Variants in AK8 observed in about 807,000 individuals in gnomAD.
The protein encoded by AK8 is adenylate kinase 8, also known as ATP-AMP transphosphorylase 8.
In AK8, 44 loss-of-function variants were observed where a neutral mutation model predicts 54.6. The observed-to-expected ratio is 0.81, with a 90% CI of 0.63 to 1.04. The LOEUF (loss-of-function observed/expected upper bound fraction) is 1.04, where lower values mean the gene tolerates loss of function less well. AK8 is among the 50% of genes least tolerant of loss of function. The probability of loss-of-function intolerance (pLI) is 0.00; values close to 1 mark genes in which losing one functional copy is unlikely to be tolerated. For synonymous variants in AK8, 239 were observed against 245.6 expected, an observed-to-expected ratio of 0.97 and a Z score of 0.25; for missense variants, 555 against 613.6, an observed-to-expected ratio of 0.90 and a Z score of 1.01.
intron 10 of AK8, among the ~76,000 whole-genome samples, chr9:132,809,186 A>G (rs2131233765): frequency 6.6e-6 from 1 of 152,230 alleles, no homozygotes; most frequent in East Asian, 1.9e-4. Flanking sequence ...TCTGAAACAG[A>G]CCTAGGATTG....
chr9:132,839,047 G>A (rs531755260), intron 5 of AK8, among the ~76,000 whole-genome samples: 2 of 151,966 alleles, frequency 1.3e-5, no homozygotes, highest in East Asian at 1.9e-4. Context: ...GGGTTCAAGC[G>A]ATTCTCCTGC....
chr9:132,748,137 A>G (rs1837742280), intron 11 of AK8, among the ~76,000 whole-genome samples: 1 of 151,838 alleles, frequency 6.6e-6, no homozygotes, highest in Non-Finnish European at 1.5e-5. Context: ...AAATCACAAG[A>G]ACAGGTTTAT....
chr9:132,816,576 G>A (rs183023781), intron 9 of AK8, among the ~76,000 whole-genome samples: 13 of 152,248 alleles, frequency 8.5e-5, no homozygotes, highest in East Asian at 5.8e-4. Flanking sequence ...CCAGGTCTGC[G>A]TGACATCAAA....
At chr9:132,812,326 G>C (rs938834162) in intron 10 of AK8, among the ~76,000 whole-genome samples, 2 of 148,768 alleles carry the variant, frequency 1.3e-5, no homozygotes, top group Admixed American at 6.8e-5. Context: ...TGCCTCCCCG[G>C]TTCAAGCGAT....
intron 5 of AK8, among the ~76,000 whole-genome samples, chr9:132,836,018 G>A (rs191197998): frequency 0.011 from 1,703 of 152,300 alleles, 17 homozygotes; most frequent in Non-Finnish European, 0.019. Flanking sequence ...AGCTACTCAG[G>A]AGGCTGAGGC....
intron 11 of AK8, among the ~76,000 whole-genome samples, chr9:132,746,622 TC>T (rs1449192378): frequency 6.6e-6 from 1 of 152,218 alleles, no homozygotes; most frequent in South Asian, 2.1e-4. Context: ...ACTTTCCTCT[TC>T]CACAAACGCA....
At chr9:132,873,138 G>C (rs1027816984) in intron 2 of AK8, among the ~76,000 whole-genome samples, 13 of 152,190 alleles carry the variant, frequency 8.5e-5, no homozygotes, top group Admixed American at 3.3e-4. Context: ...AGTAGAGATG[G>C]GGTTTTGCCA....
In AK8 at chr9:132,828,601, G is replaced by A. The variant is rs781696225; in HGVS notation, c.484+44C>T. On this transcript the variant is annotated intron_variant, in intron 6 of 12. Coordinates refer to ENST00000298545, the MANE Select transcript of AK8 (RefSeq NM_152572.3). Reference sequence around the variant, plus strand: ...CGGGGCGCTCACTGGCCACCCCTTGGGGCTGCAGCTCTGGCAGGTGGGGGA... The same window carrying A: ...CGGGGCGCTCACTGGCCACCCCTTGAGGCTGCAGCTCTGGCAGGTGGGGGA... The A allele has an allele frequency of 1.3e-5, 21 of 1,570,792 alleles. No individual in the cohort carries two copies. The Middle Eastern group carries it at 7.0e-4, about 53-fold the overall frequency.
At chr9:132,784,534 A>G (rs1415522472) in intron 11 of AK8, among the ~76,000 whole-genome samples, 1 of 151,964 alleles carries the variant, frequency 6.6e-6, no homozygotes, top group Admixed American at 6.6e-5. Context: ...AAGAAAAGGA[A>G]GGAGGGAAGG....
chr9:132,813,545 G>C (rs1841177829), intron 10 of AK8, among the ~76,000 whole-genome samples: 1 of 152,254 alleles, frequency 6.6e-6, no homozygotes, highest in South Asian at 2.1e-4. Flanking sequence ...GACTTGATAA[G>C]TGGGTGTGCA....
intron 11 of AK8, among the ~76,000 whole-genome samples, chr9:132,776,773 C>T (rs953092119): frequency 6.6e-6 from 1 of 152,176 alleles, no homozygotes; most frequent in South Asian, 2.1e-4. Context: ...CAGGAGAAGA[C>T]GATTCACAGG....
chr9:132,809,639 C>G (rs1340147322), intron 10 of AK8, among the ~76,000 whole-genome samples: 1 of 152,162 alleles, frequency 6.6e-6, no homozygotes, highest in East Asian at 1.9e-4. Flanking sequence ...ACGTTAAGCC[C>G]AAATGTGACC....
chr9:132,752,251 CTTT>C (rs753096887), intron 11 of AK8, among the ~76,000 whole-genome samples: 4 of 133,984 alleles, frequency 3.0e-5, no homozygotes, highest in Non-Finnish European at 3.2e-5. Context: ...CATTTTCTAA[CTTT>C]TTTTTTTTTT....
intron 2 of AK8, among the ~76,000 whole-genome samples, chr9:132,869,796 G>A (rs2131432803): frequency 6.6e-6 from 1 of 152,340 alleles, no homozygotes; most frequent in East Asian, 1.9e-4. Context: ...TGCCATGGGA[G>A]GTTTGTGGGG....
rs776890411 is a variant in AK8, at chr9:132,814,681, C to T, written c.936G>A (p.Thr312=). The part of the protein sequence containing the change: ...LLKEAVADRT[T]FGELIQPFFE... ...AGAAGGGCTGGATGAGCTCGCCAAACGTGGTCCTATCTGCCACAGCCTCTT... is the reference window on the plus strand; with the variant it reads ...AGAAGGGCTGGATGAGCTCGCCAAATGTGGTCCTATCTGCCACAGCCTCTT... The change falls in exon 10 of 13, where the codon ACG becomes ACA. Residue 312 remains threonine, a synonymous_variant. Transcript: ENST00000298545. 1.4e-5 allele frequency: 22 copies of T among 1,613,970 alleles called. No homozygotes were observed. The highest frequency in any genetic ancestry group is 1.7e-5 in the Non-Finnish European group (20 of 1,180,032).
In AK8 at chr9:132,848,115, C is replaced by CAAAAAAAAAA. The variant is rs796764891; in HGVS notation, c.402+6732_402+6741dup. ...TGGGCAACAGAGCAACACCCTGTTT[C>CAAAAAAAAAA]AAAAAAAAAAAAAAAAAAAAAAAAA... On this transcript the variant is annotated intron_variant, in intron 5 of 12. Transcript: ENST00000298545. 9.3e-3 allele frequency among the ~76,000 whole-genome samples: 489 copies of CAAAAAAAAAA among 52,438 alleles called. 38 individuals are homozygous for CAAAAAAAAAA. Among genetic ancestry groups the CAAAAAAAAAA allele is most frequent in the East Asian group, 0.011 (17 of 1,520 alleles). 34.4% of individuals were successfully genotyped at this position (52,438 alleles called of 152,430 possible). A position where few individuals can be genotyped will look rare whatever the true frequency, so the allele number is the denominator to read the frequency against.
chr9:132,863,741 A>G lies in AK8; in HGVS notation c.257T>C (p.Leu86Pro), dbSNP rs1005650571. 1 of 1,614,034 alleles carries G rather than the reference A, an allele frequency of 6.2e-7. No homozygotes were observed. The highest frequency in any genetic ancestry group is 8.5e-7 in the Non-Finnish European group (1 of 1,180,014). ...ATTTAAGATCAGGTTCTCCAGGGTG[A>G]GGAGACTGCTGTTCAGATGTTTGCA... ...WLCKHLNSSL[L>P]TLENLILNEF... is the part of the protein sequence containing the mutation. The change falls in exon 4 of 13, where the codon CTC becomes CCC. Residue 86 changes from leucine (L) to proline (P), a missense_variant. Physicochemically the swap from Leu to Pro is moderately conservative, Grantham distance 98. Transcript: ENST00000298545.
At chr9:132,807,263 G>GTGT (rs1356726786) in intron 10 of AK8, among the ~76,000 whole-genome samples, 1 of 152,208 alleles carries the variant, frequency 6.6e-6, no homozygotes, top group African/African-American at 2.4e-5. Flanking sequence ...AGTTGGGCAG[G>GTGT]TGTTGCAGAG....
At chr9:132,849,402 T>C (rs1336003397) in intron 5 of AK8, among the ~76,000 whole-genome samples, 1 of 152,190 alleles carries the variant, frequency 6.6e-6, no homozygotes, top group African/African-American at 2.4e-5. Flanking sequence ...TACGGCTGCC[T>C]TTGTATTACA....
Sources: gnomAD v4.1 joint callset for allele counts (sites outside exome capture counted in the v4.1 genomes callset) on GRCh38, gnomAD v4.1.1 for gene constraint, MANE v1.5 for transcripts, NCBI Gene and HGNC (gene_info 2026-07-23, HGNC 2026-07-21) for gene names.